Variants in NSMCE2 observed in about 807,000 individuals in gnomAD.
NSMCE2 encodes the protein E3 SUMO-protein ligase NSE2.
NSMCE2 carries 24 observed loss-of-function variants against 23.8 expected under a neutral mutation model. The ratio of observed to expected loss-of-function variants is 1.01; its 90% CI spans 0.73 to 1.42. NSMCE2 has a LOEUF of 1.42. NSMCE2 is among the 40% of genes most tolerant of loss of function. The probability of loss-of-function intolerance (pLI) is 0.00; values close to 1 mark genes in which losing one functional copy is unlikely to be tolerated. For missense variants in NSMCE2, 284 were observed against 296.5 expected (o/e 0.96, Z 0.31); for synonymous variants, 92 against 94.1 (o/e 0.98, Z 0.13).
intron 5 of NSMCE2, among the ~76,000 whole-genome samples, chr8:125,261,401 C>A (rs1826686620): frequency 6.6e-6 from 1 of 152,204 alleles, no homozygotes. Flanking sequence ...TTTATTGAAG[C>A]ATCTGCTCTT....
At chr8:125,109,880 T>G (rs1416956716) in intron 3 of NSMCE2, among the ~76,000 whole-genome samples, 1 of 152,198 alleles carries the variant, frequency 6.6e-6, no homozygotes, top group Admixed American at 6.5e-5. Context: ...ACCTTCTTCT[T>G]TGACCTAACT....
chr8:125,281,542 C>T (rs1369883437), intron 5 of NSMCE2, among the ~76,000 whole-genome samples: 4 of 151,960 alleles, frequency 2.6e-5, no homozygotes, highest in Admixed American at 2.6e-4. Context: ...CGGGTTCAAC[C>T]GATTCTCTTG....
chr8:125,316,606 TTCCTTTCTTTATTTCC>T (rs1829191349), intron 5 of NSMCE2, among the ~76,000 whole-genome samples: 1 of 145,916 alleles, frequency 6.9e-6, no homozygotes, highest in Non-Finnish European at 1.5e-5. Context: ...CTTTCCTTCT[TTCCTTTCTTTATTTCC>T]TTCTTTCCTT....
intron 4 of NSMCE2, among the ~76,000 whole-genome samples, chr8:125,152,112 A>G (rs767775798): frequency 1.3e-5 from 2 of 152,252 alleles, no homozygotes; most frequent in Non-Finnish European, 2.9e-5. Context: ...TGAGCATTAT[A>G]TAGTTAGAGT....
intron 5 of NSMCE2, among the ~76,000 whole-genome samples, chr8:125,239,745 G>T (rs1038093270): frequency 3.3e-5 from 5 of 151,880 alleles, no homozygotes; most frequent in African/African-American, 1.2e-4. Context: ...CATAACATTT[G>T]TAAAAATATA....
Position 125,126,134 on chromosome 8 carries a change from G to C in NSMCE2, c.157+23647G>C, listed in dbSNP as rs1299624976. Among the ~76,000 whole-genome samples, 3 of 152,124 alleles carry C rather than the reference G, an allele frequency of 2.0e-5. No homozygotes were observed. In the East Asian group the frequency reaches 5.8e-4, roughly 29 times the overall value. Reference sequence around the variant, plus strand: ...GGGGTGACTCACACCTGTAATTCCAGCACTTTGAGAGGCCAAGGCGGGCAG... The same window carrying C: ...GGGGTGACTCACACCTGTAATTCCACCACTTTGAGAGGCCAAGGCGGGCAG... On this transcript the variant is annotated intron_variant, in intron 3 of 7. Transcript: ENST00000287437.
intron 5 of NSMCE2, among the ~76,000 whole-genome samples, chr8:125,317,618 T>A (rs1829263420): frequency 6.6e-6 from 1 of 152,230 alleles, no homozygotes; most frequent in African/African-American, 2.4e-5. Context: ...GACAGTTGCC[T>A]ATCTGAAGTC....
chr8:125,291,183 A>G (rs1040969662), intron 5 of NSMCE2, among the ~76,000 whole-genome samples: 2 of 152,220 alleles, frequency 1.3e-5, no homozygotes, highest in Non-Finnish European at 1.5e-5. Flanking sequence ...TGATGGTGTT[A>G]AAACCCAAAG....
chr8:125,236,167 C>T (rs1027931399), intron 5 of NSMCE2, among the ~76,000 whole-genome samples: 8 of 152,132 alleles, frequency 5.3e-5, no homozygotes, highest in Middle Eastern at 3.2e-3. Flanking sequence ...TTGCGCTTAA[C>T]GTAGAATTCA....
chr8:125,241,055 G>A (rs1220565686), intron 5 of NSMCE2, among the ~76,000 whole-genome samples: 2 of 152,100 alleles, frequency 1.3e-5, no homozygotes, highest in Admixed American at 1.3e-4. Context: ...TTGAATTTTG[G>A]AATATTGGCA....
intron 4 of NSMCE2, among the ~76,000 whole-genome samples, chr8:125,179,613 G>A (rs1044169618): frequency 3.3e-5 from 5 of 152,238 alleles, no homozygotes; most frequent in African/African-American, 1.2e-4. Flanking sequence ...CAAACTTTCA[G>A]AGAAGACATT....
intron 5 of NSMCE2, among the ~76,000 whole-genome samples, chr8:125,205,606 A>G (rs1824080472): frequency 6.6e-6 from 1 of 152,212 alleles, no homozygotes; most frequent in Admixed American, 6.5e-5. Context: ...ACTAGAAAGT[A>G]TCTTACTCCA....
At chr8:125,227,206 T>G (rs1056433673) in intron 5 of NSMCE2, among the ~76,000 whole-genome samples, 2 of 152,058 alleles carry the variant, frequency 1.3e-5, no homozygotes, top group Non-Finnish European at 2.9e-5. Flanking sequence ...CCACAAGACA[T>G]GAGAAGCAGG....
chr8:125,195,933 C>T (rs1025265535), intron 5 of NSMCE2, among the ~76,000 whole-genome samples: 4 of 127,510 alleles, frequency 3.1e-5, no homozygotes, highest in African/African-American at 3.2e-5. Context: ...GTCACCCAGG[C>T]TGGAGTGCAG....
chr8:125,121,681 A>AT (rs1819268953), intron 3 of NSMCE2, among the ~76,000 whole-genome samples: 1 of 152,172 alleles, frequency 6.6e-6, no homozygotes, highest in Non-Finnish European at 1.5e-5. Flanking sequence ...CTCTAATTTA[A>AT]TAGGCAACTT....
chr8:125,139,703 A>G (rs1421512967), intron 3 of NSMCE2, among the ~76,000 whole-genome samples: 4 of 152,186 alleles, frequency 2.6e-5, no homozygotes, highest in Admixed American at 6.5e-5. Context: ...TTCACATGAT[A>G]CATGGGAATT....
intron 7 of NSMCE2, among the ~76,000 whole-genome samples, chr8:125,358,225 C>T (rs1366976611): frequency 1.3e-5 from 2 of 151,482 alleles, no homozygotes; most frequent in African/African-American, 4.9e-5. Context: ...CCCAGCTACT[C>T]GGGAGGCTGA....
chr8:125,364,085 A>G (rs1227567073), intron 7 of NSMCE2, among the ~76,000 whole-genome samples: 2 of 152,092 alleles, frequency 1.3e-5, no homozygotes, highest in Non-Finnish European at 2.9e-5. Flanking sequence ...CTGGGATTAC[A>G]GGCATGCGCC....
chr8:125,329,294 G>A (rs1332047462), intron 5 of NSMCE2, among the ~76,000 whole-genome samples: 1 of 152,160 alleles, frequency 6.6e-6, no homozygotes, highest in East Asian at 1.9e-4. Context: ...TTCAGCCCAG[G>A]TCCTTTCAAT....
Sources: allele counts gnomAD v4.1 joint callset (sites outside exome capture counted in the v4.1 genomes callset), GRCh38; gene constraint gnomAD v4.1.1; transcripts MANE v1.5; gene names NCBI Gene and HGNC (gene_info 2026-07-23, HGNC 2026-07-21).